Variants in TAOK2 observed in about 807,000 individuals in gnomAD.
The protein encoded by TAOK2 is serine/threonine-protein kinase TAO2.
A neutral mutation model predicts 122.5 loss-of-function variants in TAOK2; 42 were observed. That is an observed-to-expected ratio of 0.34 (90% confidence interval 0.27 to 0.44). The LOEUF (loss-of-function observed/expected upper bound fraction) is 0.44. Ranked by LOEUF, TAOK2 falls within the 20% of genes least tolerant of loss-of-function variation. TAOK2 has a pLI of 1.00. For synonymous variants in TAOK2, 704 were observed against 677.6 expected, an observed-to-expected ratio of 1.04 and a Z score of -0.61; for missense variants, 1,264 against 1,644.9, an observed-to-expected ratio of 0.77 and a Z score of 4.01.
Position 29,987,601 on chromosome 16 carries a change from G to A in TAOK2, c.3329G>A (p.Gly1110Asp). ...GGCTGTGGGGCTGTGGGGGACCGGG[G>A]TCTGTTTGCACTGTACCCCAAAACC... The part of the protein sequence containing the change: ...LQGCGAVGDR[G>D]LFALYPKTNK... The change falls in exon 16 of 16, where the codon GGT becomes GAT. Residue 1110 changes from glycine (G) to aspartate (D), a missense_variant. Transcript: ENST00000308893. 6.2e-7 allele frequency: 1 copy of A among 1,612,648 alleles called. No individual in the cohort carries two copies. Among genetic ancestry groups the A allele is most frequent in the Middle Eastern group, 1.7e-4 (1 of 6,056 alleles).
downstream of TAOK2, chr16:29,989,509 G>T: frequency 6.3e-7 from 1 of 1,590,700 alleles, no homozygotes; most frequent in Non-Finnish European, 8.6e-7. Context: ...CATTTCCCCT[G>T]GTTGTTCCTC....
At chr16:29,991,787 C>A (rs2069975020), downstream of TAOK2, 1 of 480,494 alleles carries the variant, frequency 2.1e-6, no homozygotes, top group Admixed American at 4.2e-5. This position sits in a 1 kb window ranked among gnomAD's most constrained non-coding sequence, Gnocchi z 5.6. Context: ...CCCCGCCTCC[C>A]TACCATGGTG....
In TAOK2 at chr16:29,981,762, C is replaced by T. The variant is rs201228382; in HGVS notation, c.749+8C>T. ...GCTCCAGTCAGGACACTGGTGAGGACTGAGATTCCGAATCTGGGCCCAGGC... is the reference window on the plus strand; with the variant it reads ...GCTCCAGTCAGGACACTGGTGAGGATTGAGATTCCGAATCTGGGCCCAGGC... On this transcript the variant is annotated splice_region_variant and intron_variant, in intron 9 of 15. Coordinates refer to ENST00000308893, the MANE Select transcript of TAOK2 (RefSeq NM_016151.4). The T allele has an allele frequency of 3.7e-5, 59 of 1,614,014 alleles. No homozygotes were observed. Among genetic ancestry groups the T allele is most frequent in the Non-Finnish European group, 4.7e-5 (55 of 1,179,864 alleles).
At chr16:29,977,548 T>A (rs2069492745) in intron 1 of TAOK2, among the ~76,000 whole-genome samples, 190 bp from the exon 2 acceptor site, 1 of 152,170 alleles carries the variant, frequency 6.6e-6, no homozygotes, top group South Asian at 2.1e-4. Context: ...CCAGCCCGCG[T>A]GATCTGGTTG....
In TAOK2 at chr16:29,983,299, C is replaced by T. The variant is rs747655878; in HGVS notation, c.1227C>T (p.Val409=). 2 of 1,602,394 alleles carry T rather than the reference C, an allele frequency of 1.2e-6. No homozygotes were observed. Among genetic ancestry groups the T allele is most frequent in the Non-Finnish European group, 1.7e-6 (2 of 1,179,236 alleles). The change falls in exon 12 of 16, where the codon GTC becomes GTT. Residue 409 remains valine, a synonymous_variant. Coordinates refer to ENST00000308893, the MANE Select transcript of TAOK2 (RefSeq NM_016151.4). The part of the protein sequence containing the change: ...MAMMQEGEHT[V]TSHSSIIHRL... ...TGATGCAGGAGGGGGAGCACACAGT[C>T]ACCTCTCACAGCTCCATTATCCACC...
Position 29,988,187 on chromosome 16 carries a change from CTCCCCTAAGTTATTGCT to C in TAOK2, c.*208_*224del. ...GTCACTCTGTGTTCTCCTGGCGCTC[CTCCCCTAAGTTATTGCT>C]GTTCGCCCGCTGTGTGTGCTCATCC... is the stretch of plus-strand genomic sequence containing the variant. On this transcript the variant is annotated 3_prime_UTR_variant, in exon 16 of 16. Coordinates refer to ENST00000308893, the MANE Select transcript of TAOK2 (RefSeq NM_016151.4). 7.0e-7 allele frequency: 1 copy of C among 1,432,490 alleles called. No individual in the cohort carries two copies. The highest frequency in any genetic ancestry group is 2.9e-5 in the Admixed American group (1 of 34,344). The allele number at this position is 1,432,490 out of a possible 1,614,324, so 88.7% of individuals were successfully genotyped here.
intron 1 of TAOK2, among the ~76,000 whole-genome samples, chr16:29,976,435 A>G (rs1297762889): frequency 6.6e-6 from 1 of 152,218 alleles, no homozygotes; most frequent in African/African-American, 2.4e-5. Context: ...CAAAATTAAC[A>G]ACACAACAGG....
At position 29,985,453 on chromosome 16, in the gene TAOK2, C is replaced by G; in HGVS notation, c.1663C>G (p.Arg555Gly). 2 of 1,611,584 alleles carry G rather than the reference C, an allele frequency of 1.2e-6. No homozygotes were observed. The highest frequency in any genetic ancestry group is 1.7e-6 in the Non-Finnish European group (2 of 1,178,984). ...RHQAIGEKEA[R>G]AAQAEERKFQ... ...CCAGGCCATAGGTGAGAAGGAGGCA[C>G]GAGCTGCCCAGGCCGAGGAGCGGAA... The change falls in exon 14 of 16, where the codon CGA becomes GGA. Residue 555 changes from arginine (R) to glycine (G), a missense_variant. By Grantham distance (125) the Arg-to-Gly change is moderately radical. This residue lies in a region of TAOK2 where 824 missense variants were observed against 908.7 expected (regional missense o/e 0.91). Transcript: ENST00000308893. This position sits in a 1 kb window ranked among gnomAD's most constrained non-coding sequence, Gnocchi z 6.9.
chr16:29,988,539 G>A (rs897163856), downstream of TAOK2: 1 of 1,158,008 alleles, frequency 8.6e-7, no homozygotes, highest in African/African-American at 1.6e-5. Flanking sequence ...CCAGCCTCAT[G>A]CTCTCTGCCT....
chr16:29,986,771 C>T lies in TAOK2; in HGVS notation c.2499C>T (p.Ser833=). The T allele has an allele frequency of 6.2e-7, 1 of 1,613,686 alleles. No individual in the cohort carries two copies. The highest frequency in any genetic ancestry group is 8.5e-7 in the Non-Finnish European group (1 of 1,179,868). The change falls in exon 16 of 16, where the codon AGC becomes AGT. Residue 833 remains serine (S), a synonymous_variant. Transcript: ENST00000308893. The surrounding 1 kb of genome is among the most constrained non-coding windows in gnomAD (Gnocchi z 4.2). ...GTCCCAGTCCACAAAAACATGGGAG[C>T]CTGGTTGATGAGGAAGTTTGGGGTC... ...APSPSPQKHG[S]LVDEEVWGLP... is the part of the protein sequence containing the mutation.
chr16:29,982,340 C>G (rs892057438), intron 10 of TAOK2, among the ~76,000 whole-genome samples: 1 of 152,200 alleles, frequency 6.6e-6, no homozygotes, highest in African/African-American at 2.4e-5. Flanking sequence ...ATTCCCTTCA[C>G]AGACCCATGG....
At position 29,986,175 on chromosome 16, in the gene TAOK2, G is replaced by A. The variant is rs1295667792; in HGVS notation, c.1993-90G>A. 9 of 1,489,244 alleles carry A rather than the reference G, an allele frequency of 6.0e-6. No individual in the cohort carries two copies. Among genetic ancestry groups the A allele is most frequent in the East Asian group, 2.4e-5 (1 of 42,462 alleles). 92.3% of individuals were successfully genotyped at this position (1,489,244 alleles called of 1,614,324 possible). ...AGGCCCTGGGCCCTGTGTTTCTTCCGCCATCCCCAGCTCCCTCTGCCAAGG... is the reference window on the plus strand; with the variant it reads ...AGGCCCTGGGCCCTGTGTTTCTTCCACCATCCCCAGCTCCCTCTGCCAAGG... On this transcript the variant is annotated intron_variant, in intron 15 of 15. Transcript: ENST00000308893. This position sits in a 1 kb window ranked among gnomAD's most constrained non-coding sequence, Gnocchi z 4.2.
rs1458122828 is a variant in TAOK2 at position 29,986,389 on chromosome 16, C to T, written c.2117C>T (p.Thr706Ile). 4 of 1,610,534 alleles carry T rather than the reference C, an allele frequency of 2.5e-6. No individual in the cohort carries two copies. Among genetic ancestry groups the T allele is most frequent in the Non-Finnish European group, 3.4e-6 (4 of 1,178,174 alleles). ...GTGCAGCGCACGCGGGCTGAGCTCA[C>T]CCGCCTGCAGCACCAGACGGAGCTG... ...QAVQRTRAEL[T>I]RLQHQTELGN... The change falls in exon 16 of 16, where the codon ACC (threonine) becomes ATC (isoleucine). Residue 706 changes from threonine (T) to isoleucine (I), a missense_variant. Around this residue, in one of 4 missense-constraint regions of TAOK2, gnomAD observed 824 missense variants for 908.7 expected, o/e 0.91. Coordinates refer to ENST00000308893, the MANE Select transcript of TAOK2 (RefSeq NM_016151.4). This position sits in a 1 kb window ranked among gnomAD's most constrained non-coding sequence, Gnocchi z 4.2.
intron 1 of TAOK2, among the ~76,000 whole-genome samples, chr16:29,974,977 G>A (rs756680039): frequency 6.6e-6 from 1 of 152,092 alleles, no homozygotes; most frequent in South Asian, 2.1e-4. Flanking sequence ...TCTCCTCCCT[G>A]ATATGTCCCG....
chr16:29,984,098 A>G (rs2069707467), intron 13 of TAOK2, among the ~76,000 whole-genome samples: 1 of 152,194 alleles, frequency 6.6e-6, no homozygotes, highest in South Asian at 2.1e-4. Context: ...GAACAGCATC[A>G]TGATAGGTTT....
intron 4 of TAOK2, 133 bp downstream of exon 4, chr16:29,978,486 C>T (rs1482708947): frequency 1.3e-5 from 13 of 1,000,634 alleles, no homozygotes; most frequent in Middle Eastern, 2.1e-4. Flanking sequence ...CTCTTTTGAC[C>T]GCTTTAGTCC....
Position 29,976,826 on chromosome 16 carries a change from C to T in TAOK2, c.-35-912C>T, listed in dbSNP as rs368722567. ...TTTCTTCTCTGTGCCTCAGTGACCT[C>T]ACCTAGGAAATGGTGATCATGATTC... is the stretch of plus-strand genomic sequence containing the variant. On this transcript the variant is annotated intron_variant, in intron 1 of 15. Transcript: ENST00000308893. Among the ~76,000 whole-genome samples, 65 of 152,344 alleles carry T rather than the reference C, an allele frequency of 4.3e-4. No homozygotes were observed. In the East Asian group the frequency reaches 0.012, roughly 28 times the overall value.
chr16:29,988,305 A>G lies in TAOK2; in HGVS notation c.*325A>G. ...AGTCATGTTTTTTTTCTCCTCTTTG[A>G]TTTTGTTTTTCTGTCTCCCTTCCAA... On this transcript the variant is annotated 3_prime_UTR_variant, in exon 16 of 16. Transcript: ENST00000308893. The G allele has an allele frequency of 6.9e-7, 1 of 1,440,010 alleles. No individual in the cohort carries two copies. Among genetic ancestry groups the G allele is most frequent in the South Asian group, 1.3e-5 (1 of 78,162 alleles). 89.2% of individuals were successfully genotyped at this position (1,440,010 alleles called of 1,614,324 possible). A position where few individuals can be genotyped will look rare whatever the true frequency, so the allele number is the denominator to read the frequency against.
intron 13 of TAOK2, among the ~76,000 whole-genome samples, chr16:29,984,136 G>T (rs1211962383): frequency 6.6e-6 from 1 of 152,206 alleles, no homozygotes; most frequent in Non-Finnish European, 1.5e-5. Context: ...AGAGGGCAGG[G>T]ATGGTGTTCA....
Sources: allele counts gnomAD v4.1 joint callset (sites outside exome capture counted in the v4.1 genomes callset), GRCh38; gene constraint gnomAD v4.1.1; regional missense constraint gnomAD v4.1.1; non-coding constraint Gnocchi (gnomAD v3.1); transcripts MANE v1.5; gene names NCBI Gene and HGNC (gene_info 2026-07-23, HGNC 2026-07-21).